CFAP157: variants seen among roughly 807,000 people sequenced by gnomAD.
CFAP157 encodes the protein cilia and flagella associated protein 157, also known as cilia- and flagella-associated protein 157.
CFAP157 carries 43 observed loss-of-function variants against 57.8 expected under a neutral mutation model. That is an observed-to-expected ratio of 0.74 (90% CI 0.58 to 0.96). The LOEUF is 0.96. Among genes scored for constraint, CFAP157 ranks in the 40% least tolerant of loss-of-function variants. The probability of loss-of-function intolerance (pLI) is 0.00; values close to 1 mark genes in which losing one functional copy is unlikely to be tolerated. For synonymous variants in CFAP157, 267 were observed against 269.0 expected (o/e 0.99, Z 0.07); for missense variants, 606 against 655.3 (o/e 0.92, Z 0.82).
chr9:127,715,457 A>G lies in CFAP157; in HGVS notation c.*1552A>G. 6.4e-7 allele frequency: 1 copy of G among 1,573,344 alleles called. No homozygotes were observed. Among genetic ancestry groups the G allele is most frequent in the African/African-American group, 1.3e-5 (1 of 74,074 alleles). On this transcript the variant is annotated 3_prime_UTR_variant, in exon 9 of 9. Coordinates refer to ENST00000373295, the MANE Select transcript of CFAP157 (RefSeq NM_001012502.3). This position sits in a 1 kb window ranked among gnomAD's most constrained non-coding sequence, Gnocchi z 5.8. The stretch of plus-strand genomic sequence containing the variant: ...CACCAGTTAAGAAAACAGAGCAGCA[A>G]TTTGGGGGCACTCGGCTCCCGGGAC...
intron 4 of CFAP157, 46 bp from the exon 5 acceptor site, chr9:127,711,774 G>T: frequency 1.3e-6 from 2 of 1,537,878 alleles, no homozygotes; most frequent in South Asian, 2.5e-5. Context: ...TCTGCAGCTG[G>T]GGGACAGGGC....
Position 127,709,338 on chromosome 9 carries a change from G to A in CFAP157, c.162-84G>A. The A allele has an allele frequency of 7.1e-7, 1 of 1,406,528 alleles. No individual in the cohort carries two copies. The highest frequency in any genetic ancestry group is 1.3e-5 in the South Asian group (1 of 74,888). 87.1% of individuals were successfully genotyped at this position (1,406,528 alleles called of 1,614,324 possible). A position where few individuals can be genotyped will look rare whatever the true frequency, so the allele number is the denominator to read the frequency against. The stretch of plus-strand genomic sequence containing the variant: ...CTCAAATGCCCCTTTACGGGACAGG[G>A]AGTCCAGGAGAGTGGGCCCAGCTGC... On this transcript the variant is annotated intron_variant, in intron 1 of 8. Coordinates refer to ENST00000373295, the MANE Select transcript of CFAP157 (RefSeq NM_001012502.3). This position sits in a 1 kb window ranked among gnomAD's most constrained non-coding sequence, Gnocchi z 4.7.
In CFAP157 at chr9:127,709,597, G is replaced by A; in HGVS notation, c.337G>A (p.Glu113Lys). ...EQLQNLQLAKEMEKDAFEAQL... is the reference protein window; with the variant it reads ...EQLQNLQLAKKMEKDAFEAQL... Reference sequence around the variant, plus strand: ...GCTCCAGAACTTGCAGCTAGCCAAAGAGATGGAGAAGGATGCCTTCGAGGC... The same window carrying A: ...GCTCCAGAACTTGCAGCTAGCCAAAAAGATGGAGAAGGATGCCTTCGAGGC... The change falls in exon 2 of 9, where the codon GAG becomes AAG. Residue 113 changes from glutamate (E) to lysine (K), a missense_variant. Physicochemically the swap from Glu to Lys is moderately conservative, Grantham distance 56. Coordinates refer to ENST00000373295, the MANE Select transcript of CFAP157 (RefSeq NM_001012502.3). This position sits in a 1 kb window ranked among gnomAD's most constrained non-coding sequence, Gnocchi z 4.7. 3.1e-6 allele frequency: 5 copies of A among 1,614,064 alleles called. No homozygotes were observed. Among genetic ancestry groups the A allele is most frequent in the Non-Finnish European group, 4.2e-6 (5 of 1,180,030 alleles).
intron 4 of CFAP157, 136 bp downstream of exon 4, chr9:127,711,632 G>T: frequency 1.6e-6 from 2 of 1,214,772 alleles, no homozygotes; most frequent in Non-Finnish European, 2.3e-6. Flanking sequence ...GGCCTCCTGT[G>T]GGGGCTGCAG....
intron 1 of CFAP157, among the ~76,000 whole-genome samples, chr9:127,707,786 T>C (rs984610392): frequency 3.3e-5 from 5 of 152,242 alleles, no homozygotes; most frequent in Non-Finnish European, 5.9e-5. Flanking sequence ...CATTTTCTTA[T>C]GTTACAACCA....
chr9:127,712,592 TA>T, intron 6 of CFAP157, 116 bp from the exon 7 acceptor site: 1 of 1,578,854 alleles, frequency 6.3e-7, no homozygotes, highest in Non-Finnish European at 8.6e-7. Context: ...GAAGAATGGG[TA>T]TCCCACCACA....
In CFAP157 at chr9:127,714,666, AG is replaced by A. The variant is rs766032058; in HGVS notation, c.*763del. ...GGGCTTGTCCAGCTCATCATGCACC[AG>A]GTAGACTTCCTCGGCAGTCAGCCCA... On this transcript the variant is annotated 3_prime_UTR_variant, in exon 9 of 9. Transcript: ENST00000373295. The A allele has an allele frequency of 1.4e-5, 23 of 1,613,746 alleles. No individual in the cohort carries two copies. Among genetic ancestry groups the A allele is most frequent in the Admixed American group, 3.3e-5 (2 of 59,976 alleles).
chr9:127,709,643 A>G lies in CFAP157; in HGVS notation c.383A>G (p.His128Arg), dbSNP rs757476136. 19 of 1,613,692 alleles carry G rather than the reference A, an allele frequency of 1.2e-5. No individual in the cohort carries two copies. The African/African-American group carries it at 2.4e-4, about 20-fold the overall frequency. ...AFEAQLAQVRHEFQETKDQLT... is the reference protein window; with the variant it reads ...AFEAQLAQVRREFQETKDQLT... ...GAGGCGCAGCTGGCCCAGGTGCGCC[A>G]CGAGTTCCAGGAGACCAAGGACCAG... Residue 128 changes from histidine to arginine, a missense_variant, in exon 2 of 9, where the codon CAC becomes CGC. His to Arg is a conservative substitution (Grantham distance 29). Transcript: ENST00000373295. This position sits in a 1 kb window ranked among gnomAD's most constrained non-coding sequence, Gnocchi z 4.7.
chr9:127,714,613 C>T lies in CFAP157; in HGVS notation c.*708C>T. ...ATCTCAGGACCTCACCTGGCACTGC[C>T]CCCCAGCTTCAGAGCCAGTCTCCCC... is the stretch of plus-strand genomic sequence containing the variant. On this transcript the variant is annotated 3_prime_UTR_variant, in exon 9 of 9. Transcript: ENST00000373295. The T allele has an allele frequency of 6.2e-7, 1 of 1,613,804 alleles. No individual in the cohort carries two copies. The highest frequency in any genetic ancestry group is 1.3e-5 in the African/African-American group (1 of 75,026).
At position 127,712,700 on chromosome 9, in the gene CFAP157, C is replaced by G; in HGVS notation, c.1138-9C>G. ...TGTGGGCCTGCTGCCACCCCACCCT[C>G]ACCAACAGATGCACCGCGATGAAGA... On this transcript the variant is annotated splice_polypyrimidine_tract_variant and intron_variant, in intron 6 of 8. Transcript: ENST00000373295. 6.2e-7 allele frequency: 1 copy of G among 1,614,130 alleles called. No homozygotes were observed. The highest frequency in any genetic ancestry group is 8.5e-7 in the Non-Finnish European group (1 of 1,180,004).
rs1842807245 is a variant in CFAP157 at position 127,713,139 on chromosome 9, C to A, written c.1424C>A (p.Pro475His). The A allele has an allele frequency of 6.2e-7, 1 of 1,610,014 alleles. No homozygotes were observed. Among genetic ancestry groups the A allele is most frequent in the East Asian group, 2.2e-5 (1 of 44,848 alleles). The change falls in exon 8 of 9, where the codon CCC becomes CAC. Residue 475 changes from proline (P) to histidine (H), a missense_variant. Transcript: ENST00000373295. Reference protein sequence around the residue: ...VPRQVHIPPNPQDLRLLSYIT... With the variant: ...VPRQVHIPPNHQDLRLLSYIT... ...CGCCAGGTCCACATCCCACCCAACC[C>A]CCAGGACCTCAGGCTGCTGTCATAT...
Position 127,711,468 on chromosome 9 carries a change from TGGCCAGGCACAAAAGA to T in CFAP157, c.833_848del (p.Arg278ThrfsTer8). On this transcript the variant is annotated frameshift_variant, in exon 4 of 9. Transcript: ENST00000373295. LOFTEE classifies it high-confidence loss of function. ...CTGCTGGAGAACACCCAGAAGGTCA[TGGCCAGGCACAAAAGA>T]GGCCACCAGAAGGTGTGCCTGCAGG... 6.2e-7 allele frequency: 1 copy of T among 1,613,868 alleles called. No homozygotes were observed. The highest frequency in any genetic ancestry group is 8.5e-7 in the Non-Finnish European group (1 of 1,179,998).
intron 6 of CFAP157, 34 bp downstream of exon 6, chr9:127,712,383 G>A (rs1564366948): frequency 6.2e-7 from 1 of 1,609,694 alleles, no homozygotes; most frequent in Non-Finnish European, 8.5e-7. Context: ...GGCGCAAGGG[G>A]AGGGGGAGTG....
In CFAP157 at chr9:127,715,278, G is replaced by A; in HGVS notation, c.*1373G>A. On this transcript the variant is annotated 3_prime_UTR_variant, in exon 9 of 9. Coordinates refer to ENST00000373295, the MANE Select transcript of CFAP157 (RefSeq NM_001012502.3). This position sits in a 1 kb window ranked among gnomAD's most constrained non-coding sequence, Gnocchi z 5.8. ...GCGTCCCGTGGGCCCCAACGCAGAG[G>A]AGCGGAAACGCAGAGCAACGCTGCA... 7.0e-7 allele frequency: 1 copy of A among 1,437,638 alleles called. No homozygotes were observed. Among genetic ancestry groups the A allele is most frequent in the Non-Finnish European group, 9.5e-7 (1 of 1,057,080 alleles). 89.1% of individuals were successfully genotyped at this position (1,437,638 alleles called of 1,614,324 possible).
rs1842790317 is a variant in CFAP157, at chr9:127,712,545, A to C, written c.1138-164A>C. Reference sequence around the variant, plus strand: ...TTAAAGGAGCTGGATTCCTTCTCTGAGGCTCTGAAAGGTCTTGGGCCTCAG... The same window carrying C: ...TTAAAGGAGCTGGATTCCTTCTCTGCGGCTCTGAAAGGTCTTGGGCCTCAG... On this transcript the variant is annotated intron_variant, in intron 6 of 8. Coordinates refer to ENST00000373295, the MANE Select transcript of CFAP157 (RefSeq NM_001012502.3). 7.9e-6 allele frequency: 12 copies of C among 1,519,182 alleles called. No individual in the cohort carries two copies. In the East Asian group the frequency reaches 2.9e-4, roughly 37 times the overall value. The allele number at this position is 1,519,182 out of a possible 1,614,324, so 94.1% of individuals were successfully genotyped here.
chr9:127,715,180 C>T lies in CFAP157; in HGVS notation c.*1275C>T, dbSNP rs1842924429. On this transcript the variant is annotated 3_prime_UTR_variant, in exon 9 of 9. Coordinates refer to ENST00000373295, the MANE Select transcript of CFAP157 (RefSeq NM_001012502.3). The surrounding 1 kb of genome is among the most constrained non-coding windows in gnomAD (Gnocchi z 5.8). ...GTCGCGTGCCGGGCAGTCCGGGATT[C>T]CCCAGGCCAGCCACCTGCGGGCGGC... 6.5e-7 allele frequency: 1 copy of T among 1,527,976 alleles called. No homozygotes were observed. Among genetic ancestry groups the T allele is most frequent in the Non-Finnish European group, 8.8e-7 (1 of 1,141,984 alleles). 94.7% of individuals were successfully genotyped at this position (1,527,976 alleles called of 1,614,324 possible).
In CFAP157 at chr9:127,710,525, G is replaced by A. The variant is rs1378581730; in HGVS notation, c.434-76G>A. 2.2e-5 allele frequency: 33 copies of A among 1,518,362 alleles called. No homozygotes were observed. In the South Asian group the frequency reaches 3.8e-4, roughly 17 times the overall value. The allele number at this position is 1,518,362 out of a possible 1,614,324, so 94.1% of individuals were successfully genotyped here. A position where few individuals can be genotyped will look rare whatever the true frequency, so the allele number is the denominator to read the frequency against. On this transcript the variant is annotated intron_variant, in intron 2 of 8. Coordinates refer to ENST00000373295, the MANE Select transcript of CFAP157 (RefSeq NM_001012502.3). The stretch of plus-strand genomic sequence containing the variant: ...CACAGGAAGGGACAGGGACCTAAGG[G>A]GCATCTTTAAGGTCCTCGCCAGGCC...
intron 8 of CFAP157, 83 bp downstream of exon 8, chr9:127,713,289 G>GGCC: frequency 9.4e-7 from 1 of 1,060,588 alleles, no homozygotes; most frequent in South Asian, 1.7e-5. Flanking sequence ...CCACAGCTGT[G>GGCC]TGGCCCTGGG....
chr9:127,711,523 C>A (rs752340088), intron 4 of CFAP157, 27 bp downstream of exon 4: 2 of 1,601,656 alleles, frequency 1.2e-6, no homozygotes, highest in African/African-American at 1.3e-5. Flanking sequence ...CAGCACAGGG[C>A]ATTTGGCATG....
Sources: allele counts gnomAD v4.1 joint callset (sites outside exome capture counted in the v4.1 genomes callset), GRCh38; gene constraint gnomAD v4.1.1; non-coding constraint Gnocchi (gnomAD v3.1); transcripts MANE v1.5; gene names NCBI Gene and HGNC (gene_info 2026-07-23, HGNC 2026-07-21).